FHL2: variants seen among roughly 807,000 people sequenced by gnomAD.
FHL2 encodes four and a half LIM domains protein 2.
In FHL2, 20 loss-of-function variants were observed where a neutral mutation model predicts 32.7. That is an observed-to-expected ratio of 0.61 (90% confidence interval 0.43 to 0.89). The LOEUF (loss-of-function observed/expected upper bound fraction) is 0.89. FHL2 is among the 40% of genes least tolerant of loss of function. The probability of loss-of-function intolerance (pLI) is 0.00; values close to 1 mark genes in which losing one functional copy is unlikely to be tolerated. For missense variants in FHL2, 311 were observed against 358.6 expected (o/e 0.87, Z 1.07); for synonymous variants, 123 against 128.1 (o/e 0.96, Z 0.27).
At chr2:105,362,005 A>C (rs1272802306) in intron 6 of FHL2, among the ~76,000 whole-genome samples, 1 of 152,226 alleles carries the variant, frequency 6.6e-6, no homozygotes, top group Non-Finnish European at 1.5e-5. Flanking sequence ...CCGTGATTAT[A>C]ATACAGTTGG....
chr2:105,363,758 T>C (rs544933530), intron 5 of FHL2, among the ~76,000 whole-genome samples: 237 of 152,264 alleles, frequency 1.6e-3, no homozygotes, highest in African/African-American at 5.5e-3. Context: ...CTCAGTGGTG[T>C]TGCCACCTTT....
intron 4 of FHL2, among the ~76,000 whole-genome samples, chr2:105,371,375 A>G (rs1383157262): frequency 6.6e-6 from 1 of 152,098 alleles, no homozygotes; most frequent in Non-Finnish European, 1.5e-5. Context: ...AATTCTTCTC[A>G]AGACTGCAAT....
At chr2:105,362,458 T>G (rs1558678028) in intron 6 of FHL2, among the ~76,000 whole-genome samples, 1 of 152,206 alleles carries the variant, frequency 6.6e-6, no homozygotes, top group Non-Finnish European at 1.5e-5. Flanking sequence ...GGTGTATAGA[T>G]GTGTTTCTGT....
In FHL2 at chr2:105,386,544, T is replaced by C; in HGVS notation, c.-24-4A>G. On this transcript the variant is annotated splice_region_variant and splice_polypyrimidine_tract_variant and intron_variant, in intron 2 of 6. Coordinates refer to ENST00000530340, the MANE Select transcript of FHL2 (RefSeq NM_001318895.3). ...TGACTCCTGGCTTTTCAGCAACCTA[T>C]CAAAAAGAAAAGAAAATCCAAGTCC... is the stretch of plus-strand genomic sequence containing the variant. The C allele has an allele frequency of 6.2e-7, 1 of 1,613,700 alleles. No homozygotes were observed. The highest frequency in any genetic ancestry group is 1.3e-5 in the African/African-American group (1 of 74,972).
At position 105,398,866 on chromosome 2, in the gene FHL2, T is replaced by G. The variant is rs1156926882; in HGVS notation, c.-100A>C. ...CCAGTCTCCCCAACTCCGGCTCTGC[T>G]CCCCTCTCCTTGGGTCTCGCACCGG... On this transcript the variant is annotated 5_prime_UTR_variant, in exon 1 of 7. Coordinates refer to ENST00000530340, the MANE Select transcript of FHL2 (RefSeq NM_001318895.3). The G allele has an allele frequency of 3.4e-6, 5 of 1,480,832 alleles. No individual in the cohort carries two copies. The highest frequency in any genetic ancestry group is 1.5e-5 in the African/African-American group (1 of 68,192). 91.7% of individuals were successfully genotyped at this position (1,480,832 alleles called of 1,614,324 possible).
At chr2:105,371,660 G>A (rs769637094) in intron 4 of FHL2, among the ~76,000 whole-genome samples, 1 of 151,990 alleles carries the variant, frequency 6.6e-6, no homozygotes, top group South Asian at 2.1e-4. Context: ...AGTCAAGACA[G>A]GTGAAAAATT....
At chr2:105,366,621 G>T (rs537296557) in intron 5 of FHL2, among the ~76,000 whole-genome samples, 4 of 152,360 alleles carry the variant, frequency 2.6e-5, no homozygotes, top group African/African-American at 9.6e-5. Flanking sequence ...ACCCTGAAGG[G>T]TGCAGGTCGG....
intron 1 of FHL2, among the ~76,000 whole-genome samples, chr2:105,419,121 A>G (rs1684023518): frequency 6.6e-6 from 1 of 152,218 alleles, no homozygotes; most frequent in South Asian, 2.1e-4. Context: ...AGACATGTAG[A>G]TCTATAGAAG....
intron 1 of FHL2, among the ~76,000 whole-genome samples, chr2:105,419,008 C>A (rs916729715): frequency 2.0e-5 from 3 of 152,200 alleles, no homozygotes; most frequent in South Asian, 4.1e-4. Flanking sequence ...CTTATCCCCA[C>A]CAGATAAGGG....
At chr2:105,398,678 G>A (rs1683314344) in intron 1 of FHL2, among the ~76,000 whole-genome samples, 164 bp downstream of exon 1, 1 of 152,050 alleles carries the variant, frequency 6.6e-6, no homozygotes, top group Non-Finnish European at 1.5e-5. Context: ...CCATTGCTCC[G>A]CTCCCCTCTC....
At position 105,397,890 on chromosome 2, in the gene FHL2, T is replaced by G. The variant is rs11674790; in HGVS notation, c.-76+952A>C. Among the ~76,000 whole-genome samples, 76 of 148,328 alleles carry G rather than the reference T, an allele frequency of 5.1e-4. 1 individual carries two copies. The highest frequency in any genetic ancestry group is 3.4e-3 in the Middle Eastern group (1 of 290). On this transcript the variant is annotated intron_variant, in intron 1 of 6. Transcript: ENST00000530340. ...TGGTTTTTGTTTTTTTGTTTTTTGT[T>G]TTTTTTTGTCTAAAACATCTTCAGG...
upstream of FHL2, chr2:105,399,153 GGGGCGGGCGCCCCCAGGCCTC>G: frequency 1.5e-6 from 2 of 1,364,250 alleles, no homozygotes; most frequent in Non-Finnish European, 1.9e-6. Context: ...TGGGGCGCGG[GGGGCGGGCGCCCCCAGGCCTC>G]GCGGTTGCCG....
chr2:105,381,301 A>G (rs1681867004), intron 3 of FHL2, among the ~76,000 whole-genome samples: 1 of 152,220 alleles, frequency 6.6e-6, no homozygotes. Flanking sequence ...AATGGACAAC[A>G]GCAGAAATGA....
chr2:105,396,973 C>A, intron 1 of FHL2: 1 of 385,988 alleles, frequency 2.6e-6, no homozygotes, highest in Non-Finnish European at 4.6e-6. Flanking sequence ...TGGCCCTCGG[C>A]ACAGGACAGG....
chr2:105,376,920 A>T (rs1164697089), intron 3 of FHL2, among the ~76,000 whole-genome samples: 1 of 152,262 alleles, frequency 6.6e-6, no homozygotes, highest in East Asian at 1.9e-4. Flanking sequence ...CGGTCACAAA[A>T]GGACAAATAC....
Position 105,361,261 on chromosome 2 carries a change from C to A in FHL2, c.*22G>T. ...AAAAATCTGTGTGTGAGATCACAAG[C>A]AGCAACTTCTCTGTGTTGAATTCAG... On this transcript the variant is annotated 3_prime_UTR_variant, in exon 7 of 7. Transcript: ENST00000530340. 1 of 1,599,082 alleles carries A rather than the reference C, an allele frequency of 6.3e-7. No homozygotes were observed. The highest frequency in any genetic ancestry group is 8.5e-7 in the Non-Finnish European group (1 of 1,171,336).
At position 105,426,806 on chromosome 2, in the gene FHL2, C is replaced by T. The variant is rs553886743; in HGVS notation, c.-25+11593G>A. On this transcript the variant is annotated intron_variant, in intron 1 of 5. Coordinates refer to the FHL2 transcript ENST00000393352. ...AATAGTGCTGGGGTGCAGATGCTGC[C>T]GAGGAGGTGTGGGGTTGCTGAGAAT... is the stretch of plus-strand genomic sequence containing the variant. Among the ~76,000 whole-genome samples the T allele has an allele frequency of 4.9e-4, 74 of 152,260 alleles. No homozygotes were observed. The South Asian group carries it at 0.012, about 24-fold the overall frequency.
intron 4 of FHL2, among the ~76,000 whole-genome samples, chr2:105,370,434 C>T (rs1023257523): frequency 6.6e-6 from 1 of 151,752 alleles, no homozygotes; most frequent in Non-Finnish European, 1.5e-5. Context: ...GAGACAGAAT[C>T]GCTACTTGAG....
intron 1 of FHL2, among the ~76,000 whole-genome samples, chr2:105,407,272 G>A (rs1203373325): frequency 3.3e-5 from 5 of 151,642 alleles, no homozygotes; most frequent in African/African-American, 4.8e-5. Context: ...GGCGCCTGTA[G>A]TCCCAGCTAC....
Sources: gnomAD v4.1 joint callset for allele counts (sites outside exome capture counted in the v4.1 genomes callset) on GRCh38, gnomAD v4.1.1 for gene constraint, MANE v1.5 for transcripts, NCBI Gene and HGNC (gene_info 2026-07-23, HGNC 2026-07-21) for gene names.